JAZF1: variants seen among roughly 807,000 people sequenced by gnomAD.
The protein encoded by JAZF1 is juxtaposed with another zinc finger protein 1.
In JAZF1, 8 loss-of-function variants were observed where a neutral mutation model predicts 26.4. The observed-to-expected ratio is 0.30, with a 90% confidence interval of 0.18 to 0.55. JAZF1 has a LOEUF of 0.55. Among genes scored for constraint, JAZF1 ranks in the 20% least tolerant of loss-of-function variants. The probability of loss-of-function intolerance (pLI) is 0.94; values close to 1 mark genes in which losing one functional copy is unlikely to be tolerated. For synonymous variants in JAZF1, 126 were observed against 122.3 expected (o/e 1.03, Z -0.20); for missense variants, 199 against 322.0 (o/e 0.62, Z 2.92).
intron 2 of JAZF1, among the ~76,000 whole-genome samples, chr7:27,932,792 T>A (rs1784704622): frequency 6.6e-6 from 1 of 152,230 alleles, no homozygotes; most frequent in Non-Finnish European, 1.5e-5. Flanking sequence ...TAGAACTATT[T>A]ACGTGTGTGG....
At chr7:28,082,255 G>T (rs1471621457) in intron 1 of JAZF1, among the ~76,000 whole-genome samples, 1 of 152,100 alleles carries the variant, frequency 6.6e-6, no homozygotes, top group African/African-American at 2.4e-5. Flanking sequence ...GGGGGCGTGG[G>T]GAGGCGAGGA....
At chr7:28,063,517 T>C (rs1783832717) in intron 1 of JAZF1, among the ~76,000 whole-genome samples, 1 of 152,166 alleles carries the variant, frequency 6.6e-6, no homozygotes, top group Non-Finnish European at 1.5e-5. Flanking sequence ...ACTCTTGTAA[T>C]AATGACCAAC....
At chr7:28,067,281 A>G (rs377253310) in intron 1 of JAZF1, among the ~76,000 whole-genome samples, 1 of 152,312 alleles carries the variant, frequency 6.6e-6, no homozygotes, top group East Asian at 1.9e-4. Flanking sequence ...TGAGGGGGTA[A>G]GATCCCAGAG....
chr7:28,064,473 C>T (rs1265469743), intron 1 of JAZF1, among the ~76,000 whole-genome samples: 2 of 152,102 alleles, frequency 1.3e-5, no homozygotes, highest in African/African-American at 4.8e-5. Flanking sequence ...CAACAAAGAA[C>T]TAGTTTTTAA....
At chr7:28,132,513 T>C (rs750796237) in intron 1 of JAZF1, among the ~76,000 whole-genome samples, 2 of 152,094 alleles carry the variant, frequency 1.3e-5, no homozygotes, top group Admixed American at 6.6e-5. Flanking sequence ...AAGGAGAGGA[T>C]TAAATAGAAG....
At chr7:27,964,315 A>G (rs1244155900) in intron 2 of JAZF1, among the ~76,000 whole-genome samples, 2 of 152,168 alleles carry the variant, frequency 1.3e-5, no homozygotes, top group Non-Finnish European at 2.9e-5. Context: ...AGTGTAATTT[A>G]TAATAATGAA....
chr7:27,934,494 A>G (rs1241892200), intron 2 of JAZF1, among the ~76,000 whole-genome samples: 1 of 152,118 alleles, frequency 6.6e-6, no homozygotes, highest in Non-Finnish European at 1.5e-5. Context: ...CACCCCATAT[A>G]TATTATATAT....
intron 1 of JAZF1, among the ~76,000 whole-genome samples, chr7:28,082,806 G>C (rs1006702366): frequency 2.0e-4 from 31 of 152,062 alleles, no homozygotes; most frequent in Non-Finnish European, 2.2e-4. Flanking sequence ...TGCAAAGGGG[G>C]CCTTTGCCTC....
intron 2 of JAZF1, among the ~76,000 whole-genome samples, chr7:27,907,965 G>A (rs1784291785): frequency 6.6e-6 from 1 of 152,160 alleles, no homozygotes; most frequent in South Asian, 2.1e-4. Context: ...TGCCATCGTG[G>A]ACTTACACAT....
intron 3 of JAZF1, among the ~76,000 whole-genome samples, chr7:27,884,422 G>T (rs547078107): frequency 6.6e-6 from 1 of 152,284 alleles, no homozygotes; most frequent in South Asian, 2.1e-4. Flanking sequence ...CCACTGCATC[G>T]GGCAGGTATA....
intron 1 of JAZF1, among the ~76,000 whole-genome samples, chr7:28,156,478 G>A (rs76523051): frequency 0.063 from 9,638 of 152,252 alleles, 954 homozygotes; most frequent in African/African-American, 0.21. Flanking sequence ...TTAGGTAAGT[G>A]GAGAAAATGT....
chr7:27,992,207 G>T, intron 1 of JAZF1: 3 of 606,190 alleles, frequency 4.9e-6, no homozygotes, highest in Non-Finnish European at 9.5e-6. Context: ...GTGATAAAAT[G>T]TCCATCTGTC....
intron 1 of JAZF1, among the ~76,000 whole-genome samples, chr7:28,055,538 T>C (rs1783690475): frequency 6.6e-6 from 1 of 152,184 alleles, no homozygotes; most frequent in African/African-American, 2.4e-5. Flanking sequence ...ATGTATACCT[T>C]TCCAGCTTCC....
intron 1 of JAZF1, among the ~76,000 whole-genome samples, chr7:28,138,431 C>T (rs1267376512): frequency 6.6e-6 from 1 of 152,214 alleles, no homozygotes; most frequent in Non-Finnish European, 1.5e-5. Context: ...TTCAGCATTG[C>T]TATGACTATT....
intron 2 of JAZF1, among the ~76,000 whole-genome samples, chr7:27,954,063 C>G (rs1785049570): frequency 6.6e-6 from 1 of 152,194 alleles, no homozygotes; most frequent in South Asian, 2.1e-4. Context: ...CCAGTCCTTC[C>G]CAGTTAGTCT....
intron 1 of JAZF1, among the ~76,000 whole-genome samples, chr7:28,024,516 A>G (rs771332842): frequency 2.6e-5 from 4 of 152,228 alleles, no homozygotes; most frequent in Non-Finnish European, 5.9e-5. Context: ...TTAGACCTCA[A>G]AACAATCCTC....
intron 1 of JAZF1, among the ~76,000 whole-genome samples, chr7:28,085,079 T>C (rs185944427): frequency 6.6e-6 from 1 of 152,290 alleles, no homozygotes; most frequent in East Asian, 1.9e-4. Context: ...AAGAAATAAA[T>C]TCTTTTCTTT....
chr7:28,049,493 A>T (rs983345127), intron 1 of JAZF1, among the ~76,000 whole-genome samples: 4 of 152,162 alleles, frequency 2.6e-5, no homozygotes, highest in African/African-American at 9.7e-5. Flanking sequence ...GCAAAAACCA[A>T]CTGGTGTCCT....
Position 27,831,248 on chromosome 7 carries a change from A to G in JAZF1, c.*1552T>C. On this transcript the variant is annotated 3_prime_UTR_variant, in exon 5 of 5. Transcript: ENST00000283928. ...GAGGTTTACTCATCTAACAAACAGA[A>G]CTGTCATCCTTTCAAAATGTCTGAA... is the stretch of plus-strand genomic sequence containing the variant. 1 of 225,144 alleles carries G rather than the reference A, an allele frequency of 4.4e-6. No homozygotes were observed. Among genetic ancestry groups the G allele is most frequent in the Non-Finnish European group, 8.9e-6 (1 of 112,754 alleles). 13.9% of individuals were successfully genotyped at this position (225,144 alleles called of 1,614,324 possible).
Sources: allele counts gnomAD v4.1 joint callset (sites outside exome capture counted in the v4.1 genomes callset), GRCh38; gene constraint gnomAD v4.1.1; transcripts MANE v1.5; gene names NCBI Gene and HGNC (gene_info 2026-07-23, HGNC 2026-07-21).